STAG2: variants seen among roughly 807,000 people sequenced by gnomAD.
The protein encoded by STAG2 is cohesin subunit SA-2.
In STAG2, 14 loss-of-function variants were observed where a neutral mutation model predicts 108.1. The observed-to-expected ratio is 0.13, with a 90% CI of 0.09 to 0.20. STAG2 has a LOEUF of 0.20. STAG2 is among the 10% of genes least tolerant of loss of function. The probability of loss-of-function intolerance (pLI) is 1.00; values close to 1 mark genes in which losing one functional copy is unlikely to be tolerated. For missense variants in STAG2, 440 were observed against 940.9 expected, an observed-to-expected ratio of 0.47 and a Z score of 6.96; for synonymous variants, 307 against 302.7, an observed-to-expected ratio of 1.01 and a Z score of -0.15.
intron 6 of STAG2, among the ~76,000 whole-genome samples, chrX:124,040,987 A>G (rs1299596298): frequency 9.5e-6 from 1 of 105,197 alleles, no homozygotes; most frequent in Non-Finnish European, 1.9e-5. Flanking sequence ...CAGCCTCCCA[A>G]GTAGCTGCGA....
intron 4 of STAG2, among the ~76,000 whole-genome samples, chrX:124,027,454 AT>A (rs997571639): frequency 1.8e-5 from 2 of 110,836 alleles, no homozygotes; most frequent in Non-Finnish European, 3.8e-5. Context: ...TTAGAAAACC[AT>A]TTTTTTTCCA....
In STAG2 at chrX:124,047,537, G is replaced by T. The variant is rs765177331; in HGVS notation, c.819+32G>T. ...TTTTATATTGAATATTTAGGCTATT[G>T]TGTGACCAACTTGGTCACCATTAAT... On this transcript the variant is annotated intron_variant, in intron 9 of 34. Coordinates refer to ENST00000371145, the MANE Select transcript of STAG2 (RefSeq NM_001042750.2). 3.4e-6 allele frequency: 4 copies of T among 1,162,404 alleles called. No homozygotes were observed. The Admixed American group carries it at 7.4e-5, about 21-fold the overall frequency.
At chrX:124,084,665 G>C (rs2059055485) in intron 29 of STAG2, among the ~76,000 whole-genome samples, 1 of 112,059 alleles carries the variant, frequency 8.9e-6, no homozygotes, top group Non-Finnish European at 1.9e-5. Flanking sequence ...TCTATGTTCA[G>C]TTATAAAACT....
chrX:124,095,524 C>T, intron 34 of STAG2, 75 bp downstream of exon 34: 7 of 797,350 alleles, frequency 8.8e-6, no homozygotes, highest in Non-Finnish European at 1.3e-5. Context: ...AGGTTGAAGA[C>T]CTGGGGCAGC....
chrX:124,003,256 C>T (rs1212999722), intron 1 of STAG2, among the ~76,000 whole-genome samples: 4 of 110,614 alleles, frequency 3.6e-5, no homozygotes, highest in South Asian at 3.9e-4. Context: ...CGTGAGCCAC[C>T]GAGTCCAGCC....
chrX:124,097,643 T>C (rs1444572742), intron 34 of STAG2: 1 of 323,896 alleles, frequency 3.1e-6, no homozygotes, highest in South Asian at 2.7e-5. Flanking sequence ...ACAGACACTG[T>C]GCTAGGTATG....
chrX:123,978,670 T>C, intron 1 of STAG2, among the ~76,000 whole-genome samples: 1 of 111,483 alleles, frequency 9.0e-6, no homozygotes, highest in Non-Finnish European at 1.9e-5. Context: ...TAATACAGGT[T>C]GAGCATCCCA....
At chrX:124,001,637 ATACT>A (rs759832581) in intron 1 of STAG2, among the ~76,000 whole-genome samples, 8 of 111,625 alleles carry the variant, frequency 7.2e-5, no homozygotes, top group African/African-American at 1.6e-4. Flanking sequence ...ATATACACAA[ATACT>A]TACCATTGTG....
chrX:124,044,657 C>T (rs2057823936), intron 7 of STAG2, among the ~76,000 whole-genome samples: 1 of 111,550 alleles, frequency 9.0e-6, no homozygotes, highest in Non-Finnish European at 1.9e-5. Context: ...GCAATACTAG[C>T]TACATTTCCA....
At chrX:124,034,966 G>A (rs1033496451) in intron 5 of STAG2, among the ~76,000 whole-genome samples, 3 of 107,672 alleles carry the variant, frequency 2.8e-5, no homozygotes, top group African/African-American at 1.0e-4. Context: ...GCATGATCTC[G>A]GCTCACTGCA....
At chrX:124,039,782 T>C (rs1411704062) in intron 6 of STAG2, among the ~76,000 whole-genome samples, 1 of 109,282 alleles carries the variant, frequency 9.2e-6, no homozygotes, top group African/African-American at 3.3e-5. Flanking sequence ...GAGCCACCCC[T>C]CCCGCCTGAG....
At chrX:124,001,515 C>G (rs2056041204) in intron 1 of STAG2, among the ~76,000 whole-genome samples, 1 of 112,093 alleles carries the variant, frequency 8.9e-6, no homozygotes, top group African/African-American at 3.2e-5. Flanking sequence ...TCACTCAGAG[C>G]AACTTTCAGT....
chrX:124,077,858 A>G, intron 26 of STAG2, 99 bp from the exon 27 acceptor site: 1 of 481,311 alleles, frequency 2.1e-6, no homozygotes, highest in Admixed American at 4.8e-5. Flanking sequence ...TTGGCTAAAT[A>G]CATACTTTGT....
intron 4 of STAG2, among the ~76,000 whole-genome samples, chrX:124,029,159 G>A (rs1268308163): frequency 2.0e-4 from 21 of 107,057 alleles, no homozygotes; most frequent in African/African-American, 7.2e-4. Flanking sequence ...TGGGACTGCA[G>A]GTGCCTGCCA....
In STAG2 at chrX:124,026,000, A is replaced by C. The variant is rs749491618; in HGVS notation, c.123+82A>C. 193 of 750,386 alleles carry C rather than the reference A, an allele frequency of 2.6e-4. 3 individuals carry two copies. In the South Asian group the frequency reaches 5.7e-3, roughly 22 times the overall value. 61.8% of individuals were successfully genotyped at this position (750,386 alleles called of 1,213,427 possible). A position where few individuals can be genotyped will look rare whatever the true frequency, so the allele number is the denominator to read the frequency against. On this transcript the variant is annotated intron_variant, in intron 4 of 34. Coordinates refer to ENST00000371145, the MANE Select transcript of STAG2 (RefSeq NM_001042750.2). ...TTTAAGTTATGTCTCAGATAGTTTTATCTTTTAAAAATGGCTTTTTAAGGG... is the reference window on the plus strand; with the variant it reads ...TTTAAGTTATGTCTCAGATAGTTTTCTCTTTTAAAAATGGCTTTTTAAGGG...
chrX:124,006,220 A>G (rs1332411182), intron 1 of STAG2, among the ~76,000 whole-genome samples: 2 of 110,943 alleles, frequency 1.8e-5, no homozygotes, highest in Non-Finnish European at 1.9e-5. Flanking sequence ...CAAAGGTCCT[A>G]TGGATGTTTA....
chrX:124,034,191 C>T (rs955679650), intron 5 of STAG2, among the ~76,000 whole-genome samples: 31 of 111,211 alleles, frequency 2.8e-4, no homozygotes, highest in African/African-American at 1.0e-3. Flanking sequence ...CTATCTGTGC[C>T]ATTTTTGTTT....
Position 124,076,485 on chromosome X carries a change from A to G in STAG2, c.2673+14A>G, listed in dbSNP as rs2058806574. 1 of 1,134,465 alleles carries G rather than the reference A, an allele frequency of 8.8e-7. No homozygotes were observed. The highest frequency in any genetic ancestry group is 1.2e-6 in the Non-Finnish European group (1 of 857,739). 93.5% of individuals were successfully genotyped at this position (1,134,465 alleles called of 1,213,427 possible). A position where few individuals can be genotyped will look rare whatever the true frequency, so the allele number is the denominator to read the frequency against. ...CAGTATATGAAGGTAAAGTTGAAAA[A>G]TGGATAGCAAGATAGTTTTAAAATG... is the stretch of plus-strand genomic sequence containing the variant. On this transcript the variant is annotated intron_variant, in intron 26 of 34. Coordinates refer to ENST00000371145, the MANE Select transcript of STAG2 (RefSeq NM_001042750.2).
At chrX:124,027,847 G>GT (rs1316754183) in intron 4 of STAG2, among the ~76,000 whole-genome samples, 5 of 110,928 alleles carry the variant, frequency 4.5e-5, no homozygotes, top group Non-Finnish European at 5.7e-5. Context: ...TTATGTAGAA[G>GT]TTTTTTTTCT....
Sources: allele counts gnomAD v4.1 joint callset (sites outside exome capture counted in the v4.1 genomes callset), GRCh38; gene constraint gnomAD v4.1.1; transcripts MANE v1.5; gene names NCBI Gene and HGNC (gene_info 2026-07-23, HGNC 2026-07-21).